Variants in POU2F3 observed in about 807,000 individuals in gnomAD.
POU2F3 encodes POU class 2 homeobox 3, also known as POU domain, class 2, transcription factor 3.
POU2F3 carries 23 observed loss-of-function variants against 59.2 expected under a neutral mutation model. That is an observed-to-expected ratio of 0.39 (90% CI 0.28 to 0.55). The LOEUF (loss-of-function observed/expected upper bound fraction) is 0.55. POU2F3 is among the 20% of genes least tolerant of loss of function. POU2F3 has a pLI of 0.66. For synonymous variants in POU2F3, 190 were observed against 214.6 expected, an observed-to-expected ratio of 0.89 and a Z score of 1.00; for missense variants, 473 against 544.5, an observed-to-expected ratio of 0.87 and a Z score of 1.31.
At chr11:120,284,771 GTGT>G (rs1042542902) in intron 3 of POU2F3, among the ~76,000 whole-genome samples, 2 of 152,124 alleles carry the variant, frequency 1.3e-5, no homozygotes, top group African/African-American at 4.8e-5. Flanking sequence ...AGATAAATTT[GTGT>G]TGAGCCTTTA....
At chr11:120,261,190 G>GTGTGTGTGTA in intron 2 of POU2F3, 1 of 150,488 alleles carries the variant, frequency 6.6e-6, no homozygotes, top group Admixed American at 6.6e-5. Context: ...GTGTGTGTGT[G>GTGTGTGTGTA]TGTGTGTTTT....
intron 2 of POU2F3, among the ~76,000 whole-genome samples, chr11:120,247,979 G>A (rs1409715571): frequency 2.0e-5 from 3 of 152,194 alleles, no homozygotes; most frequent in East Asian, 1.9e-4. Context: ...CCAAATCAGG[G>A]TAACAGTGTT....
At chr11:120,283,093 G>A (rs1041510048) in intron 3 of POU2F3, among the ~76,000 whole-genome samples, 2 of 152,228 alleles carry the variant, frequency 1.3e-5, no homozygotes, top group African/African-American at 4.8e-5. Context: ...GGCGAGAGCT[G>A]CCAAGCCAGA....
chr11:120,288,782 ATACATACGCACATGTATGTAT>A (rs1252587892), intron 3 of POU2F3, among the ~76,000 whole-genome samples: 20 of 131,700 alleles, frequency 1.5e-4, no homozygotes, highest in Non-Finnish European at 1.7e-4. Flanking sequence ...CTTTAAATAT[ATACATACGCACATGTATGTAT>A]TACATACGCA....
intron 10 of POU2F3, among the ~76,000 whole-genome samples, chr11:120,311,093 A>T (rs1941638173): frequency 6.6e-6 from 1 of 152,086 alleles, no homozygotes; most frequent in Non-Finnish European, 1.5e-5. Flanking sequence ...GGGCAGGGAG[A>T]GTGTGGCATG....
intron 6 of POU2F3, 51 bp downstream of exon 6, chr11:120,302,419 T>A (rs1941374394): frequency 2.0e-6 from 3 of 1,511,136 alleles, no homozygotes; most frequent in Non-Finnish European, 2.8e-6. Flanking sequence ...CAGCTCTCAC[T>A]GAGTTTAACT....
At chr11:120,246,099 C>T (rs1299435707) in intron 1 of POU2F3, among the ~76,000 whole-genome samples, 2 of 152,114 alleles carry the variant, frequency 1.3e-5, no homozygotes, top group Non-Finnish European at 1.5e-5. Context: ...CCAAAGGAAA[C>T]GAGTGTTGGA....
At position 120,318,978 on chromosome 11, in the gene POU2F3, A is replaced by G. The variant is rs965661159; in HGVS notation, c.*586A>G. The G allele has an allele frequency of 6.6e-6, 1 of 152,428 alleles. No individual in the cohort carries two copies. The highest frequency in any genetic ancestry group is 1.5e-5 in the Non-Finnish European group (1 of 68,318). 9.4% of individuals were successfully genotyped at this position (152,428 alleles called of 1,614,324 possible). ...ACCTCGCCCCCTTTTCTACAATCAA[A>G]TCCATTCATTATTGCGCCCTCCAGG... On this transcript the variant is annotated 3_prime_UTR_variant, in exon 13 of 13. Coordinates refer to ENST00000543440, the MANE Select transcript of POU2F3 (RefSeq NM_014352.4).
At chr11:120,316,492 C>T (rs1941792346) in intron 11 of POU2F3, among the ~76,000 whole-genome samples, 1 of 152,218 alleles carries the variant, frequency 6.6e-6, no homozygotes, top group African/African-American at 2.4e-5. Flanking sequence ...GTGACACAAT[C>T]ATGGCTAACT....
At chr11:120,264,025 A>T (rs1939717760) in intron 2 of POU2F3, among the ~76,000 whole-genome samples, 1 of 152,130 alleles carries the variant, frequency 6.6e-6, no homozygotes, top group Admixed American at 6.5e-5. Flanking sequence ...TCACAATCTC[A>T]TGAGGGAAAC....
At chr11:120,317,442 A>G in intron 12 of POU2F3, 78 bp downstream of exon 12, 1 of 1,568,558 alleles carries the variant, frequency 6.4e-7, no homozygotes, top group South Asian at 1.1e-5. Flanking sequence ...TGCCTTGGGA[A>G]AGAAAGCTTG....
intron 3 of POU2F3, among the ~76,000 whole-genome samples, chr11:120,279,168 T>G (rs1940456492): frequency 1.3e-5 from 2 of 151,478 alleles, no homozygotes; most frequent in African/African-American, 4.9e-5. Flanking sequence ...CTTGCCAGAC[T>G]CCCGACTCTG....
chr11:120,278,139 T>C (rs1272695718), intron 3 of POU2F3, among the ~76,000 whole-genome samples: 4 of 152,178 alleles, frequency 2.6e-5, no homozygotes, highest in Non-Finnish European at 5.9e-5. Context: ...TGTGTTCACA[T>C]AAAAAATAGA....
rs751451335 is a variant in POU2F3, at chr11:120,305,760, G to A, written c.744G>A (p.Leu248=). Residue 248 remains leucine (L), a synonymous_variant, in exon 8 of 13, where the codon CTG becomes CTA. Coordinates refer to ENST00000543440, the MANE Select transcript of POU2F3 (RefSeq NM_014352.4). ...AGAACATGTGCAAGCTCAAGCCCCT[G>A]CTGGAGAAGTGGCTGAATGATGCAG... ...SFKNMCKLKP[L]LEKWLNDAES... is the part of the protein sequence containing the mutation. The A allele has an allele frequency of 6.2e-7, 1 of 1,613,808 alleles. No homozygotes were observed.
chr11:120,305,810 A>G, intron 8 of POU2F3, 25 bp downstream of exon 8: 2 of 1,611,966 alleles, frequency 1.2e-6, no homozygotes. Flanking sequence ...CACGGATGCC[A>G]GGGGCCCTAG....
intron 1 of POU2F3, among the ~76,000 whole-genome samples, chr11:120,242,494 C>T (rs1938706533): frequency 6.6e-6 from 1 of 152,182 alleles, no homozygotes; most frequent in Non-Finnish European, 1.5e-5. Flanking sequence ...CAAGGTAATC[C>T]TGTATCCTAC....
Position 120,318,569 on chromosome 11 carries a change from T to C in POU2F3, c.*177T>C, listed in dbSNP as rs1040266707. The C allele has an allele frequency of 1.1e-5, 7 of 632,518 alleles. No individual in the cohort carries two copies. The highest frequency in any genetic ancestry group is 2.7e-5 in the East Asian group (1 of 36,620). 39.2% of individuals were successfully genotyped at this position (632,518 alleles called of 1,614,324 possible). A position where few individuals can be genotyped will look rare whatever the true frequency, so the allele number is the denominator to read the frequency against. On this transcript the variant is annotated 3_prime_UTR_variant, in exon 13 of 13. Coordinates refer to ENST00000543440, the MANE Select transcript of POU2F3 (RefSeq NM_014352.4). ...GGGCCTCCGGAGATCCAAACTGTGA[T>C]TGAACCAAGTGCAGACTCCTAATGC... is the stretch of plus-strand genomic sequence containing the variant.
intron 2 of POU2F3, chr11:120,249,643 CCCT>C (rs1939018546): frequency 6.6e-6 from 1 of 152,200 alleles, no homozygotes; most frequent in South Asian, 2.1e-4. Flanking sequence ...ATGTGGCTAA[CCCT>C]GTGACTTTTG....
In POU2F3 at chr11:120,277,324, C is replaced by T. The variant is rs530214887; in HGVS notation, c.132+8080C>T. Among the ~76,000 whole-genome samples, 4 of 151,952 alleles carry T rather than the reference C, an allele frequency of 2.6e-5. No individual in the cohort carries two copies. In the East Asian group the frequency reaches 7.8e-4, roughly 29 times the overall value. On this transcript the variant is annotated intron_variant, in intron 3 of 12. Transcript: ENST00000543440. ...AAAAATAAAAAAATTTTAAAAAGCA[C>T]CCTCCTAGTCAACAGGCAGATCTGG...
Sources: allele counts gnomAD v4.1 joint callset (sites outside exome capture counted in the v4.1 genomes callset), GRCh38; gene constraint gnomAD v4.1.1; transcripts MANE v1.5; gene names NCBI Gene and HGNC (gene_info 2026-07-23, HGNC 2026-07-21).